The following WLS variants were observed in gnomAD, a reference collection of about 807,000 sequenced individuals.
WLS encodes protein wntless homolog.
A neutral mutation model predicts 62.8 loss-of-function variants in WLS; 23 were observed. That is an observed-to-expected ratio of 0.37 (90% CI 0.26 to 0.52). The LOEUF (loss-of-function observed/expected upper bound fraction) is 0.52, where lower values mean the gene tolerates loss of function less well. Ranked by LOEUF, WLS falls within the 20% of genes least tolerant of loss-of-function variation. The pLI, the probability that WLS is intolerant of heterozygous loss-of-function variation, is 0.92. For synonymous variants in WLS, 246 were observed against 244.1 expected, an observed-to-expected ratio of 1.01 and a Z score of -0.07; for missense variants, 615 against 697.3, an observed-to-expected ratio of 0.88 and a Z score of 1.33.
intron 11 of WLS, among the ~76,000 whole-genome samples, chr1:68,134,700 AG>A (rs1646579983): frequency 2.0e-5 from 3 of 152,240 alleles, no homozygotes; most frequent in Admixed American, 2.0e-4. Context: ...ACACCCACTT[AG>A]CAGAGGATTC....
chr1:68,229,660 T>A (rs1047218134), intron 1 of WLS, among the ~76,000 whole-genome samples: 2 of 152,154 alleles, frequency 1.3e-5, no homozygotes, highest in East Asian at 3.9e-4. Flanking sequence ...TCACTTACAT[T>A]TTGTTGATAT....
chr1:68,170,169 T>TTTC lies in WLS; in HGVS notation c.380-10923_380-10922insGAA, dbSNP rs1216240374. ...ATGCTGGCTACTATTTCTTTTTTTT[T>TTTC]TTTTTTTTTTTTTGAGATGGAGTTT... On this transcript the variant is annotated intron_variant, in intron 2 of 11. Coordinates refer to ENST00000262348, the MANE Select transcript of WLS (RefSeq NM_024911.7). 2.9e-4 allele frequency among the ~76,000 whole-genome samples: 43 copies of TTTC among 145,808 alleles called. 1 individual carries two copies. The highest frequency in any genetic ancestry group is 4.8e-4 in the Admixed American group (7 of 14,582).
intron 11 of WLS, among the ~76,000 whole-genome samples, chr1:68,132,431 AG>A (rs1288776411): frequency 6.6e-6 from 1 of 152,178 alleles, no homozygotes; most frequent in Non-Finnish European, 1.5e-5. Flanking sequence ...CGTCAATAAA[AG>A]GGGGCAACCA....
Position 68,145,764 on chromosome 1 carries a change from T to C in WLS, c.1278+105A>G. ...TCCTACATGAGAATCTCTCAATTTG[T>C]ATTTCAAAGTAAAGGCTTTCTATCT... On this transcript the variant is annotated intron_variant, in intron 9 of 11. Coordinates refer to ENST00000262348, the MANE Select transcript of WLS (RefSeq NM_024911.7). 8 of 1,508,656 alleles carry C rather than the reference T, an allele frequency of 5.3e-6. No homozygotes were observed. The South Asian group carries it at 1.1e-4, about 20-fold the overall frequency. The allele number at this position is 1,508,656 out of a possible 1,614,324, so 93.5% of individuals were successfully genotyped here.
rs533770065 is a variant in WLS at position 68,150,783 on chromosome 1, T to G, written c.804-427A>C. On this transcript the variant is annotated intron_variant, in intron 5 of 11. Transcript: ENST00000262348. ...TATGAATTATATAAGCATATTTGTT[T>G]CAATAATACATGACTCCAAACACAT... Among the ~76,000 whole-genome samples the G allele has an allele frequency of 1.6e-3, 239 of 152,356 alleles. 2 individuals are homozygous for G. Among genetic ancestry groups the G allele is most frequent in the Middle Eastern group, 3.4e-3 (1 of 294 alleles).
intron 11 of WLS, among the ~76,000 whole-genome samples, chr1:68,129,651 G>A (rs1570846793): frequency 1.3e-5 from 2 of 152,208 alleles, no homozygotes; most frequent in South Asian, 2.1e-4. Flanking sequence ...GGGAATGGGT[G>A]TGTGAACGTG....
At chr1:68,198,511 T>G (rs758670825) in intron 1 of WLS, among the ~76,000 whole-genome samples, 1 of 152,084 alleles carries the variant, frequency 6.6e-6, no homozygotes, top group Non-Finnish European at 1.5e-5. Flanking sequence ...TGTGAAGAAA[T>G]GTACAAACAC....
intron 2 of WLS, among the ~76,000 whole-genome samples, chr1:68,188,101 A>C (rs1648076098): frequency 6.6e-6 from 1 of 152,204 alleles, no homozygotes; most frequent in African/African-American, 2.4e-5. Flanking sequence ...TGTGGCAAGT[A>C]CCTGCCCAAG....
At chr1:68,158,715 C>G (rs1646933404) in intron 3 of WLS, among the ~76,000 whole-genome samples, 1 of 152,204 alleles carries the variant, frequency 6.6e-6, no homozygotes, top group Non-Finnish European at 1.5e-5. Context: ...CAAGCTTGAT[C>G]TAGCCCTTAA....
chr1:68,164,920 T>C (rs1647039007), intron 2 of WLS, among the ~76,000 whole-genome samples: 2 of 152,160 alleles, frequency 1.3e-5, no homozygotes. Context: ...ACTCCCAGCT[T>C]GGCAGAAACA....
chr1:68,137,813 A>T lies in WLS; in HGVS notation c.1483T>A (p.Ser495Thr). ...TGGTCTTCTCCATAGTTTTTATGGG[A>T]TGGTGCATACAAGAACATCAGAGCA... Reference protein sequence around the residue: ...VFALMFLYAPSHKNYGEDQSN... With the variant: ...VFALMFLYAPTHKNYGEDQSN... The change falls in exon 11 of 12, where the codon TCC (serine) becomes ACC (threonine). Residue 495 changes from serine to threonine, a missense_variant. Coordinates refer to ENST00000262348, the MANE Select transcript of WLS (RefSeq NM_024911.7). 6.2e-7 allele frequency: 1 copy of T among 1,613,912 alleles called. No individual in the cohort carries two copies. The highest frequency in any genetic ancestry group is 1.1e-5 in the South Asian group (1 of 91,064).
chr1:68,125,078 G>A (rs997116556), downstream of WLS, among the ~76,000 whole-genome samples: 15 of 152,144 alleles, frequency 9.9e-5, no homozygotes, highest in African/African-American at 2.4e-4. Context: ...AAAATACAAC[G>A]AAAAAGGCTA....
chr1:68,103,345 C>T (rs1233481587), intron 11 of WLS, among the ~76,000 whole-genome samples: 1 of 152,204 alleles, frequency 6.6e-6, no homozygotes, highest in Non-Finnish European at 1.5e-5. Context: ...TGAAGAAGAA[C>T]AATCACAGGT....
chr1:68,163,148 A>G, intron 2 of WLS: 2 of 1,187,324 alleles, frequency 1.7e-6, no homozygotes, highest in Non-Finnish European at 2.4e-6. Context: ...CTAAGAACTT[A>G]GGGGAACTCG....
At chr1:68,198,842 A>C (rs1196254472) in intron 1 of WLS, among the ~76,000 whole-genome samples, 1 of 152,250 alleles carries the variant, frequency 6.6e-6, no homozygotes, top group Non-Finnish European at 1.5e-5. Context: ...CATCGTTACA[A>C]CATAACCTTG....
At chr1:68,193,314 G>T (rs1648445760) in intron 2 of WLS, among the ~76,000 whole-genome samples, 1 of 134,900 alleles carries the variant, frequency 7.4e-6, no homozygotes, top group Admixed American at 8.4e-5. Flanking sequence ...ACATGTATTG[G>T]CCTCCCAGAA....
At chr1:68,108,985 C>T (rs1391196495) in intron 11 of WLS, among the ~76,000 whole-genome samples, 1 of 152,166 alleles carries the variant, frequency 6.6e-6, no homozygotes, top group African/African-American at 2.4e-5. Context: ...TTATGAAATG[C>T]TTAGTGCTAT....
intron 11 of WLS, among the ~76,000 whole-genome samples, chr1:68,132,584 C>T (rs1023063182): frequency 5.9e-5 from 9 of 152,146 alleles, no homozygotes; most frequent in East Asian, 1.9e-4. Flanking sequence ...TGCCAAGACG[C>T]GGAACCAGTG....
rs753638193 is a variant in WLS, at chr1:68,148,099, G to A, written c.1134+37C>T. Reference sequence around the variant, plus strand: ...GATCTTGGGGACTGGGTGGCCAGGGGAAGAAATAAAACCCTGAGCCCATCA... The same window carrying A: ...GATCTTGGGGACTGGGTGGCCAGGGAAAGAAATAAAACCCTGAGCCCATCA... On this transcript the variant is annotated intron_variant, in intron 8 of 11. Coordinates refer to ENST00000262348, the MANE Select transcript of WLS (RefSeq NM_024911.7). The A allele has an allele frequency of 6.2e-6, 10 of 1,610,706 alleles. No homozygotes were observed. The Middle Eastern group carries it at 4.9e-4, about 80-fold the overall frequency.
Sources: allele counts gnomAD v4.1 joint callset (sites outside exome capture counted in the v4.1 genomes callset), GRCh38; gene constraint gnomAD v4.1.1; transcripts MANE v1.5; gene names NCBI Gene and HGNC (gene_info 2026-07-23, HGNC 2026-07-21).